Variants in BNIP5 observed in about 807,000 individuals in gnomAD.
BNIP5 encodes the protein protein BNIP5.
In BNIP5, 61 loss-of-function variants were observed where a neutral mutation model predicts 67.3. The ratio of observed to expected loss-of-function variants is 0.91; its 90% CI spans 0.74 to 1.12. The LOEUF is 1.12. Ranked by LOEUF, BNIP5 falls within the 50% of genes most tolerant of loss-of-function variation. The probability of loss-of-function intolerance (pLI) is 0.00; values close to 1 mark genes in which losing one functional copy is unlikely to be tolerated. For missense variants in BNIP5, 826 were observed against 816.3 expected (o/e 1.01, Z -0.14); for synonymous variants, 317 against 319.0 (o/e 0.99, Z 0.07).
Position 36,325,357 on chromosome 6 carries a change from G to A in BNIP5, c.1094C>T (p.Pro365Leu). Residue 365 changes from proline to leucine, a missense_variant, in exon 6 of 12, where the codon CCC (proline) becomes CTC (leucine). Physicochemically the swap from Pro to Leu is moderately conservative, Grantham distance 98. Coordinates refer to ENST00000437635, the MANE Select transcript of BNIP5 (RefSeq NM_001010903.5). The stretch of plus-strand genomic sequence containing the variant: ...CTCTGATGGGGTGGGAAGCACGGAG[G>A]GACCTGGAGCCCCAGCCTCTGTAGA... Reference protein sequence around the residue: ...APSTEAGAPGPSVLPTPSESQ... With the variant: ...APSTEAGAPGLSVLPTPSESQ... The A allele has an allele frequency of 1.2e-6, 2 of 1,614,152 alleles. No homozygotes were observed. Among genetic ancestry groups the A allele is most frequent in the South Asian group, 1.1e-5 (1 of 91,074 alleles).
At chr6:36,326,158 C>T (rs1328817862) in intron 5 of BNIP5, among the ~76,000 whole-genome samples, 1 of 152,208 alleles carries the variant, frequency 6.6e-6, no homozygotes, top group Non-Finnish European at 1.5e-5. Context: ...TGCTAGAACC[C>T]AGGTCTCCTG....
chr6:36,316,895 GATACACTTCGATGC>G lies in BNIP5; in HGVS notation c.*447_*460del. On this transcript the variant is annotated 3_prime_UTR_variant, in exon 12 of 12. Coordinates refer to ENST00000437635, the MANE Select transcript of BNIP5 (RefSeq NM_001010903.5). ...TACTGGTCAACTGAAGAAATGATGG[GATACACTTCGATGC>G]ATATCTGTTTGGATGCATGTGGATG... 1 of 402,658 alleles carries G rather than the reference GATACACTTCGATGC, an allele frequency of 2.5e-6. No individual in the cohort carries two copies. The allele number at this position is 402,658 out of a possible 1,614,324, so 24.9% of individuals were successfully genotyped here.
intron 5 of BNIP5, among the ~76,000 whole-genome samples, 199 bp downstream of exon 5, chr6:36,326,311 C>T (rs1253675363): frequency 6.6e-6 from 1 of 152,222 alleles, no homozygotes; most frequent in Non-Finnish European, 1.5e-5. Context: ...GCCTAGAGCT[C>T]GCTGAGGTGT....
Position 36,330,040 on chromosome 6 carries a change from C to A in BNIP5, c.610+41G>T, listed in dbSNP as rs115432393. 6.7e-3 allele frequency: 10,138 copies of A among 1,522,484 alleles called. 139 individuals carry two copies. Among genetic ancestry groups the A allele is most frequent in the South Asian group, 0.033 (2,560 of 77,212 alleles). 94.3% of individuals were successfully genotyped at this position (1,522,484 alleles called of 1,614,324 possible). A position where few individuals can be genotyped will look rare whatever the true frequency, so the allele number is the denominator to read the frequency against. On this transcript the variant is annotated intron_variant, in intron 2 of 11. Transcript: ENST00000437635. Reference sequence around the variant, plus strand: ...AGAGGCTCCTGGAGCAAGTTTAGAGCACCCTAGGGGTTGCCATAGGAACAG... The same window carrying A: ...AGAGGCTCCTGGAGCAAGTTTAGAGAACCCTAGGGGTTGCCATAGGAACAG...
Position 36,317,103 on chromosome 6 carries a change from G to A in BNIP5, c.*253C>T. On this transcript the variant is annotated 3_prime_UTR_variant, in exon 12 of 12. Transcript: ENST00000437635. ...AGCAAGTCTGGGGTAGGTTCAGCAG[G>A]TAGAGCCCCAGTCTTCCTCATTCCC... is the stretch of plus-strand genomic sequence containing the variant. 1.7e-6 allele frequency: 1 copy of A among 578,600 alleles called. No individual in the cohort carries two copies. The allele number at this position is 578,600 out of a possible 1,614,324, so 35.8% of individuals were successfully genotyped here. A position where few individuals can be genotyped will look rare whatever the true frequency, so the allele number is the denominator to read the frequency against.
chr6:36,330,558 T>C lies in BNIP5; in HGVS notation c.133A>G (p.Arg45Gly). 1.2e-6 allele frequency: 2 copies of C among 1,613,838 alleles called. No individual in the cohort carries two copies. The highest frequency in any genetic ancestry group is 4.5e-5 in the East Asian group (2 of 44,874). Residue 45 changes from arginine to glycine, a missense_variant, in exon 2 of 12, where the codon AGG becomes GGG. By Grantham distance (125) the Arg-to-Gly change is moderately radical. Transcript: ENST00000437635. ...HWLSLPTAPS[R>G]KALHWTTSDW... ...CTGGTCGTCCAGTGAAGCGCCTTCCTGGAGGGGGCAGTGGGCAGGGAGAGC... is the reference window on the plus strand; with the variant it reads ...CTGGTCGTCCAGTGAAGCGCCTTCCCGGAGGGGGCAGTGGGCAGGGAGAGC...
intron 1 of BNIP5, 102 bp from the exon 2 acceptor site, chr6:36,330,796 G>T: frequency 2.1e-6 from 3 of 1,426,788 alleles, no homozygotes; most frequent in Non-Finnish European, 2.8e-6. Context: ...CGGAGCCTCG[G>T]TCTATTGCCC....
At position 36,316,260 on chromosome 6, in the gene BNIP5, C is replaced by G. The variant is rs2127360292; in HGVS notation, c.*1096G>C. 2.7e-6 allele frequency: 1 copy of G among 365,254 alleles called. No individual in the cohort carries two copies. The highest frequency in any genetic ancestry group is 3.9e-5 in the East Asian group (1 of 25,432). The allele number at this position is 365,254 out of a possible 1,614,324, so 22.6% of individuals were successfully genotyped here. A position where few individuals can be genotyped will look rare whatever the true frequency, so the allele number is the denominator to read the frequency against. ...CATGACCACATGTTCTGGGCAGTGT[C>G]CAAGGGAGCCGACTGTCTGTCTACA... is the stretch of plus-strand genomic sequence containing the variant. On this transcript the variant is annotated 3_prime_UTR_variant, in exon 12 of 12. Transcript: ENST00000437635.
chr6:36,325,335 T>A lies in BNIP5; in HGVS notation c.1116A>T (p.Ser372=). 2 of 1,614,150 alleles carry A rather than the reference T, an allele frequency of 1.2e-6. No individual in the cohort carries two copies. The highest frequency in any genetic ancestry group is 1.7e-6 in the Non-Finnish European group (2 of 1,179,984). Residue 372 remains serine (S), a synonymous_variant, in exon 6 of 12, where the codon TCA becomes TCT. Transcript: ENST00000437635. ...APGPSVLPTP[S]ESQEPGEELP... ...GCTCCTCTCCAGGTTCCTGGCTCTC[T>A]GATGGGGTGGGAAGCACGGAGGGAC... is the stretch of plus-strand genomic sequence containing the variant.
Position 36,316,237 on chromosome 6 carries a change from T to C in BNIP5, c.*1119A>G. Reference sequence around the variant, plus strand: ...TCCAGGTTTAACACCCTTTCCCCCATGACCACATGTTCTGGGCAGTGTCCA... The same window carrying C: ...TCCAGGTTTAACACCCTTTCCCCCACGACCACATGTTCTGGGCAGTGTCCA... On this transcript the variant is annotated 3_prime_UTR_variant, in exon 12 of 12. Transcript: ENST00000437635. 3.0e-6 allele frequency: 1 copy of C among 337,170 alleles called. No individual in the cohort carries two copies. The allele number at this position is 337,170 out of a possible 1,614,324, so 20.9% of individuals were successfully genotyped here. A position where few individuals can be genotyped will look rare whatever the true frequency, so the allele number is the denominator to read the frequency against.
chr6:36,325,428 G>A lies in BNIP5; in HGVS notation c.1037-14C>T, dbSNP rs1275446555. Reference sequence around the variant, plus strand: ...GTTCTTCCAAGCCTGAGAAGCAGAAGGAGAACGAGGGTGTGTTTTGTCTGT... The same window carrying A: ...GTTCTTCCAAGCCTGAGAAGCAGAAAGAGAACGAGGGTGTGTTTTGTCTGT... On this transcript the variant is annotated splice_polypyrimidine_tract_variant and intron_variant, in intron 5 of 11. Transcript: ENST00000437635. 6 of 1,602,580 alleles carry A rather than the reference G, an allele frequency of 3.7e-6. No individual in the cohort carries two copies. The highest frequency in any genetic ancestry group is 1.3e-5 in the African/African-American group (1 of 74,136).
Position 36,319,600 on chromosome 6 carries a change from T to C in BNIP5, c.1679A>G (p.His560Arg), listed in dbSNP as rs1250611270. ...DGQLGQQIRR[H>R]PSFKRFFYEF... Reference sequence around the variant, plus strand: ...GTAAAAAAACCTCTTAAAGCTGGGGTGGCGCCTGATCTGGAAGTGGAAATG... The same window carrying C: ...GTAAAAAAACCTCTTAAAGCTGGGGCGGCGCCTGATCTGGAAGTGGAAATG... The change falls in exon 11 of 12, where the codon CAC (histidine) becomes CGC (arginine). Residue 560 changes from histidine to arginine, a missense_variant. Coordinates refer to ENST00000437635, the MANE Select transcript of BNIP5 (RefSeq NM_001010903.5). The C allele has an allele frequency of 6.2e-7, 1 of 1,610,626 alleles. No individual in the cohort carries two copies. The highest frequency in any genetic ancestry group is 8.5e-7 in the Non-Finnish European group (1 of 1,177,318).
In BNIP5 at chr6:36,328,784, T is replaced by C. The variant is rs180944835; in HGVS notation, c.611-70A>G. ...CGTGTGTCAGTGACATTCTCCTGACTTTGTTCATCAACACGAGAAAACAGC... is the reference window on the plus strand; with the variant it reads ...CGTGTGTCAGTGACATTCTCCTGACCTTGTTCATCAACACGAGAAAACAGC... On this transcript the variant is annotated intron_variant, in intron 2 of 11. Transcript: ENST00000437635. The C allele has an allele frequency of 9.8e-4, 941 of 956,260 alleles. 2 individuals carry two copies. The highest frequency in any genetic ancestry group is 3.9e-3 in the Middle Eastern group (19 of 4,822). The allele number at this position is 956,260 out of a possible 1,614,324, so 59.2% of individuals were successfully genotyped here.
In BNIP5 at chr6:36,323,244, T is replaced by C. The variant is rs368707447; in HGVS notation, c.1471+49A>G. The C allele has an allele frequency of 1.6e-4, 254 of 1,610,388 alleles. 1 individual carries two copies. In the African/African-American group the frequency reaches 3.1e-3, roughly 20 times the overall value. ...ACGACAGACAGGCCACACAGCAGCCTTGCCCAAGAGGAAGCCTCTGTTACC... is the reference window on the plus strand; with the variant it reads ...ACGACAGACAGGCCACACAGCAGCCCTGCCCAAGAGGAAGCCTCTGTTACC... On this transcript the variant is annotated intron_variant, in intron 8 of 11. Coordinates refer to ENST00000437635, the MANE Select transcript of BNIP5 (RefSeq NM_001010903.5).
intron 11 of BNIP5, among the ~76,000 whole-genome samples, chr6:36,318,088 C>G (rs1304648763): frequency 6.6e-6 from 1 of 152,196 alleles, no homozygotes; most frequent in African/African-American, 2.4e-5. Context: ...TGACAAGATA[C>G]AACTACCATG....
chr6:36,318,248 C>T (rs975926669), intron 11 of BNIP5, among the ~76,000 whole-genome samples: 1 of 152,220 alleles, frequency 6.6e-6, no homozygotes, highest in African/African-American at 2.4e-5. Context: ...GTTTGTCCAA[C>T]ACCAGCAAAC....
rs1379219237 is a variant in BNIP5, at chr6:36,321,230, G to T, written c.1604-11C>A. 2 of 1,587,886 alleles carry T rather than the reference G, an allele frequency of 1.3e-6. No homozygotes were observed. The highest frequency in any genetic ancestry group is 2.3e-5 in the South Asian group (2 of 87,018). On this transcript the variant is annotated splice_polypyrimidine_tract_variant and intron_variant, in intron 9 of 11. Transcript: ENST00000437635. ...GGATGATGATCTCCTCTAAGGAAAA[G>T]AAAGGAGGATTGAGTGACTGTTGAC...
chr6:36,328,834 C>T (rs1025847055), intron 2 of BNIP5, 120 bp from the exon 3 acceptor site: 5 of 716,408 alleles, frequency 7.0e-6, no homozygotes, highest in East Asian at 2.5e-5. Context: ...GCAACAGGTG[C>T]TGCTGCAGCC....
Position 36,319,584 on chromosome 6 carries a change from C to T in BNIP5, c.1695G>A (p.Arg565=). 1.9e-6 allele frequency: 3 copies of T among 1,612,728 alleles called. No individual in the cohort carries two copies. The highest frequency in any genetic ancestry group is 2.5e-6 in the Non-Finnish European group (3 of 1,178,834). The change falls in exon 11 of 12, where the codon AGG becomes AGA. Residue 565 remains arginine, a synonymous_variant. Transcript: ENST00000437635. ...AGGAGTCCGAGAACTCGTAAAAAAA[C>T]CTCTTAAAGCTGGGGTGGCGCCTGA... ...QQIRRHPSFK[R]FFYEFSDSSL...
Sources: gnomAD v4.1 joint callset for allele counts (sites outside exome capture counted in the v4.1 genomes callset) on GRCh38, gnomAD v4.1.1 for gene constraint, MANE v1.5 for transcripts, NCBI Gene and HGNC (gene_info 2026-07-23, HGNC 2026-07-21) for gene names.